The following POPDC2 variants were observed in gnomAD, a reference collection of about 807,000 sequenced individuals.
POPDC2 encodes the protein popeye domain-containing protein 2.
Under a neutral mutation model 30.5 loss-of-function variants are expected in POPDC2, and 24 were observed. The observed-to-expected ratio is 0.79, with a 90% confidence interval of 0.57 to 1.11. The LOEUF is 1.11. Ranked by LOEUF, POPDC2 falls within the 50% of genes least tolerant of loss-of-function variation. POPDC2 has a pLI of 0.00. For synonymous variants in POPDC2, 185 were observed against 183.3 expected (o/e 1.01, Z -0.07); for missense variants, 409 against 447.0 (o/e 0.91, Z 0.77).
chr3:119,651,694 G>A (rs1055148334), intron 2 of POPDC2, among the ~76,000 whole-genome samples: 7 of 149,376 alleles, frequency 4.7e-5, no homozygotes, highest in East Asian at 2.0e-4. Context: ...GGAGTACAGC[G>A]GTGTGATCTC....
In POPDC2 at chr3:119,658,695, A is replaced by G. The variant is rs114417299; in HGVS notation, c.491+1238T>C. 1.8e-3 allele frequency among the ~76,000 whole-genome samples: 267 copies of G among 152,356 alleles called. 3 individuals carry two copies. The highest frequency in any genetic ancestry group is 6.3e-3 in the African/African-American group (260 of 41,578). ...GGTTTACACTTTCAGTTCACCAATA[A>G]ATGAAATGAAATGTACCCTCACAAA... On this transcript the variant is annotated intron_variant, in intron 1 of 3. Transcript: ENST00000493094.
chr3:119,649,908 A>T (rs1040203653), intron 2 of POPDC2, among the ~76,000 whole-genome samples: 1 of 152,184 alleles, frequency 6.6e-6, no homozygotes, highest in African/African-American at 2.4e-5. Context: ...CACTGCAATC[A>T]GGACCTAAAC....
rs761658216 is a variant in POPDC2, at chr3:119,660,293, C to T, written c.131G>A (p.Gly44Asp). The change falls in exon 1 of 4, where the codon GGC becomes GAC. Residue 44 changes from glycine to aspartate, a missense_variant. By Grantham distance (94) the Gly-to-Asp change is moderately conservative. Coordinates refer to ENST00000493094, the MANE Select transcript of POPDC2 (RefSeq NM_001369919.2). ...ATAGAAGCATCCATACACCCCACTG[C>T]CCCCCATGAAGCCCAGGAGTAAGAG... is the stretch of plus-strand genomic sequence containing the variant. ...NCLLLLGFMG[G>D]SGVYGCFYLF... 1.9e-6 allele frequency: 3 copies of T among 1,613,822 alleles called. No homozygotes were observed. Among genetic ancestry groups the T allele is most frequent in the Non-Finnish European group, 2.5e-6 (3 of 1,179,696 alleles).
intron 2 of POPDC2, among the ~76,000 whole-genome samples, chr3:119,649,913 C>G (rs1324334879): frequency 1.3e-5 from 2 of 152,190 alleles, no homozygotes; most frequent in Non-Finnish European, 2.9e-5. Context: ...CAATCAGGAC[C>G]TAAACTACGT....
intron 2 of POPDC2, among the ~76,000 whole-genome samples, chr3:119,649,915 A>C (rs2052790437): frequency 6.6e-6 from 1 of 152,126 alleles, no homozygotes; most frequent in African/African-American, 2.4e-5. Context: ...ATCAGGACCT[A>C]AACTACGTTA....
At position 119,648,567 on chromosome 3, in the gene POPDC2, C is replaced by T. The variant is rs756624026; in HGVS notation, c.702G>A (p.Ser234=). 21 of 1,613,856 alleles carry T rather than the reference C, an allele frequency of 1.3e-5. No individual in the cohort carries two copies. Among genetic ancestry groups the T allele is most frequent in the African/African-American group, 4.0e-5 (3 of 74,840 alleles). The change falls in exon 3 of 4, where the codon TCG becomes TCA. Residue 234 remains serine (S), a synonymous_variant. Coordinates refer to ENST00000493094, the MANE Select transcript of POPDC2 (RefSeq NM_001369919.2). ...TKERYISCLF[S]ALLGYDISEK... is the part of the protein sequence containing the mutation. Reference sequence around the variant, plus strand: ...CTGAGATGTCATATCCCAGCAGAGCCGAGAAGAGGCAGGAGATGTATCGCT... The same window carrying T: ...CTGAGATGTCATATCCCAGCAGAGCTGAGAAGAGGCAGGAGATGTATCGCT...
intron 3 of POPDC2, chr3:119,643,515 A>C (rs748800215): frequency 1.8e-6 from 2 of 1,084,116 alleles, no homozygotes; most frequent in Non-Finnish European, 2.7e-6. Flanking sequence ...ACAGAATCTT[A>C]AAATACGCTA....
chr3:119,650,542 T>A (rs77524026), intron 2 of POPDC2, among the ~76,000 whole-genome samples: 1 of 152,318 alleles, frequency 6.6e-6, no homozygotes, highest in Non-Finnish European at 1.5e-5. Context: ...CTCTTTGATA[T>A]ATCTTCTTCA....
rs1577165275 is a variant in POPDC2 at position 119,643,308 on chromosome 3, C to A, written c.*44-747G>T. On this transcript the variant is annotated intron_variant, in intron 3 of 3. Coordinates refer to ENST00000493094, the MANE Select transcript of POPDC2 (RefSeq NM_001369919.2). ...GAGAGCAGGCTGACATGTGACTTAG[C>A]TATTCAGGGGCTAAAGAGCTAGCAC... The A allele has an allele frequency of 9.1e-6, 10 of 1,094,768 alleles. No individual in the cohort carries two copies. The East Asian group carries it at 2.6e-4, about 28-fold the overall frequency. The allele number at this position is 1,094,768 out of a possible 1,614,324, so 67.8% of individuals were successfully genotyped here.
intron 2 of POPDC2, among the ~76,000 whole-genome samples, chr3:119,653,842 G>C (rs1031645018): frequency 1.3e-5 from 2 of 152,146 alleles, no homozygotes; most frequent in Non-Finnish European, 2.9e-5. Context: ...GAACAGAGAG[G>C]GAAAAGCCTA....
Position 119,648,538 on chromosome 3 carries a change from T to C in POPDC2, c.731A>G (p.Lys244Arg), listed in dbSNP as rs763263916. The change falls in exon 3 of 4, where the codon AAG (lysine) becomes AGG (arginine). Residue 244 changes from lysine (K) to arginine (R), a missense_variant. Physicochemically the swap from Lys to Arg is conservative, Grantham distance 26 (BLOSUM62 2). Coordinates refer to ENST00000493094, the MANE Select transcript of POPDC2 (RefSeq NM_001369919.2). ...SALLGYDISE[K>R]LYTLNDKLFA... The stretch of plus-strand genomic sequence containing the variant: ...GAGCTTGTCATTGAGAGTGTAGAGC[T>C]TCTCTGAGATGTCATATCCCAGCAG... 5.6e-6 allele frequency: 9 copies of C among 1,613,780 alleles called. No homozygotes were observed. In the African/African-American group the frequency reaches 6.7e-5, roughly 12 times the overall value.
chr3:119,645,848 TC>T (rs2052740840), intron 3 of POPDC2, among the ~76,000 whole-genome samples: 1 of 152,222 alleles, frequency 6.6e-6, no homozygotes, highest in African/African-American at 2.4e-5. Flanking sequence ...GAAAAACTTA[TC>T]CTTGCCTTCT....
chr3:119,657,756 C>A (rs896927379), intron 1 of POPDC2, among the ~76,000 whole-genome samples: 1 of 152,166 alleles, frequency 6.6e-6, no homozygotes, highest in African/African-American at 2.4e-5. Context: ...CCATTTAAAT[C>A]GGAATGCTGT....
chr3:119,644,052 C>A (rs2052718372), intron 3 of POPDC2, among the ~76,000 whole-genome samples: 1 of 149,170 alleles, frequency 6.7e-6, no homozygotes, highest in Non-Finnish European at 1.5e-5. Context: ...TAGAACCATG[C>A]CTAAAATATA....
chr3:119,650,761 A>G (rs2052798936), intron 2 of POPDC2, among the ~76,000 whole-genome samples: 1 of 152,188 alleles, frequency 6.6e-6, no homozygotes, highest in Admixed American at 6.5e-5. Flanking sequence ...GCATACAACC[A>G]ACTCCCAAAT....
intron 3 of POPDC2, 145 bp downstream of exon 3, chr3:119,647,974 T>G: frequency 1.7e-6 from 1 of 571,898 alleles, no homozygotes; most frequent in Non-Finnish European, 3.0e-6. Context: ...CCGGAGTGAG[T>G]TGCTATCTTC....
rs566968293 is a variant in POPDC2 at position 119,643,103 on chromosome 3, C to G, written c.*44-542G>C. Among the ~76,000 whole-genome samples, 1,071 of 152,314 alleles carry G rather than the reference C, an allele frequency of 7.0e-3. 8 individuals carry two copies. The highest frequency in any genetic ancestry group is 9.5e-3 in the Non-Finnish European group (645 of 68,024). On this transcript the variant is annotated intron_variant, in intron 3 of 3. Coordinates refer to ENST00000493094, the MANE Select transcript of POPDC2 (RefSeq NM_001369919.2). ...GAGGTGGCACGACCCTCTAGAGACC[C>G]CTGCTCTGGCCGTGCCACTTTCAAG...
chr3:119,656,064 C>A (rs755734394), intron 1 of POPDC2, among the ~76,000 whole-genome samples: 40 of 152,250 alleles, frequency 2.6e-4, no homozygotes, highest in South Asian at 1.0e-3. Context: ...AATTATCAGG[C>A]ATTATTAACA....
At chr3:119,644,780 A>T (rs1428054925) in intron 3 of POPDC2, among the ~76,000 whole-genome samples, 1 of 152,220 alleles carries the variant, frequency 6.6e-6, no homozygotes, top group Non-Finnish European at 1.5e-5. Context: ...AGAGCCAGGA[A>T]ATAGATGGTG....
Sources: gnomAD v4.1 joint callset for allele counts (sites outside exome capture counted in the v4.1 genomes callset) on GRCh38, gnomAD v4.1.1 for gene constraint, MANE v1.5 for transcripts, NCBI Gene and HGNC (gene_info 2026-07-23, HGNC 2026-07-21) for gene names.